GRIP1: variants seen among roughly 807,000 people sequenced by gnomAD.
GRIP1 encodes glutamate receptor interacting protein 1, also known as glutamate receptor-interacting protein 1.
In GRIP1, 45 loss-of-function variants were observed where a neutral mutation model predicts 129.9. The ratio of observed to expected loss-of-function variants is 0.35; its 90% CI spans 0.27 to 0.44. The LOEUF (loss-of-function observed/expected upper bound fraction) is 0.44. Among genes scored for constraint, GRIP1 ranks in the 20% least tolerant of loss-of-function variants. GRIP1 has a pLI of 1.00. For synonymous variants in GRIP1, 530 were observed against 520.8 expected (o/e 1.02, Z -0.24); for missense variants, 1,196 against 1,396.8 (o/e 0.86, Z 2.29).
At chr12:66,417,015 A>T (rs2057631430) in intron 15 of GRIP1, among the ~76,000 whole-genome samples, 1 of 152,038 alleles carries the variant, frequency 6.6e-6, no homozygotes, top group East Asian at 1.9e-4. Flanking sequence ...AAAACCTCTA[A>T]CGAACATTGA....
At chr12:66,890,137 C>T (rs1036630553) in intron 1 of GRIP1, among the ~76,000 whole-genome samples, 2 of 152,100 alleles carry the variant, frequency 1.3e-5, no homozygotes, top group African/African-American at 2.4e-5. Flanking sequence ...CTATGTTACT[C>T]AGTCTGGTCT....
intron 13 of GRIP1, among the ~76,000 whole-genome samples, chr12:66,442,249 ACCCAACT>A (rs1338478285): frequency 4.6e-5 from 7 of 151,874 alleles, no homozygotes; most frequent in Non-Finnish European, 8.8e-5. Flanking sequence ...CCAAATCCAA[ACCCAACT>A]CCCTTATATT....
intron 23 of GRIP1, among the ~76,000 whole-genome samples, chr12:66,367,201 G>T (rs187986853): frequency 4.6e-5 from 7 of 152,264 alleles, no homozygotes; most frequent in African/African-American, 9.6e-5. Context: ...CAAAGAGAGA[G>T]AATCTGTGAT....
chr12:66,990,201 A>G (rs113714207), intron 1 of GRIP1, among the ~76,000 whole-genome samples: 6 of 152,220 alleles, frequency 3.9e-5, no homozygotes, highest in African/African-American at 1.4e-4. Flanking sequence ...CTATACGCAT[A>G]GCTTTCTGCT....
At position 66,532,797 on chromosome 12, in the gene GRIP1, CCAT is replaced by C. The variant is rs929909855; in HGVS notation, c.419-2886_419-2884del. ...TTCACCACCACCACCACCACCACCA[CCAT>C]CATCTGTCTATTTTAGAACTGAGAA... On this transcript the variant is annotated intron_variant, in intron 4 of 24. Transcript: ENST00000359742. 6.2e-4 allele frequency among the ~76,000 whole-genome samples: 94 copies of C among 152,142 alleles called. 1 individual carries two copies. The highest frequency in any genetic ancestry group is 2.1e-3 in the African/African-American group (86 of 41,450).
chr12:66,504,301 CCA>C (rs1270438870), intron 7 of GRIP1, among the ~76,000 whole-genome samples: 2 of 152,164 alleles, frequency 1.3e-5, no homozygotes, highest in Non-Finnish European at 2.9e-5. Flanking sequence ...GCCATGCCCT[CCA>C]GTTTGTTGCC....
chr12:66,948,558 T>A (rs568466075), intron 1 of GRIP1, among the ~76,000 whole-genome samples: 1 of 152,252 alleles, frequency 6.6e-6, no homozygotes, highest in African/African-American at 2.4e-5. Context: ...AAGAAGCTCA[T>A]AGTCCAAGGA....
At chr12:66,674,327 C>T (rs1446599559) in intron 1 of GRIP1, among the ~76,000 whole-genome samples, 5 of 152,148 alleles carry the variant, frequency 3.3e-5, no homozygotes, top group Non-Finnish European at 5.9e-5. Flanking sequence ...AGCAAAGGAG[C>T]CATCAGGTTT....
intron 2 of GRIP1, among the ~76,000 whole-genome samples, chr12:66,587,544 T>C (rs1024102568): frequency 2.0e-5 from 3 of 152,246 alleles, no homozygotes; most frequent in Admixed American, 6.5e-5. Context: ...TAGGCTGGAT[T>C]CACATCTATA....
chr12:66,527,826 G>A lies in GRIP1; in HGVS notation c.502+2005C>T, dbSNP rs114293676. 8.4e-3 allele frequency among the ~76,000 whole-genome samples: 1,279 copies of A among 152,034 alleles called. 28 individuals carry two copies. The highest frequency in any genetic ancestry group is 0.03 in the African/African-American group (1,244 of 41,478). On this transcript the variant is annotated intron_variant, in intron 5 of 24. Coordinates refer to ENST00000359742, the MANE Select transcript of GRIP1 (RefSeq NM_001366722.1). Reference sequence around the variant, plus strand: ...ATTTGAGGGTGGAGGTTGGAGGGTGGGAGGAGGAGGAGGATGAGGATTGAA... The same window carrying A: ...ATTTGAGGGTGGAGGTTGGAGGGTGAGAGGAGGAGGAGGATGAGGATTGAA...
In GRIP1 at chr12:66,596,266, C is replaced by T. The variant is rs75277261; in HGVS notation, c.136+581G>A. On this transcript the variant is annotated intron_variant, in intron 2 of 24. Coordinates refer to ENST00000359742, the MANE Select transcript of GRIP1 (RefSeq NM_001366722.1). ...ACAAATCAAAGCTTCAAAATATTGA[C>T]GTTTTGGGGTAAAGACATTTAAAGA... Among the ~76,000 whole-genome samples the T allele has an allele frequency of 2.0e-3, 301 of 152,132 alleles. 1 individual carries two copies. Among genetic ancestry groups the T allele is most frequent in the East Asian group, 0.01 (53 of 5,188 alleles).
At chr12:66,643,391 TTAATA>T (rs2032098290) in intron 1 of GRIP1, among the ~76,000 whole-genome samples, 1 of 152,162 alleles carries the variant, frequency 6.6e-6, no homozygotes, top group Non-Finnish European at 1.5e-5. Flanking sequence ...ATAGAACCAC[TTAATA>T]TAAAGATATC....
At chr12:66,557,712 A>T (rs1260031192) in intron 2 of GRIP1, among the ~76,000 whole-genome samples, 1 of 152,208 alleles carries the variant, frequency 6.6e-6, no homozygotes, top group Non-Finnish European at 1.5e-5. Context: ...ATGCTCCTGA[A>T]TGACCAATGG....
At chr12:66,554,690 G>T (rs1384748838) in intron 2 of GRIP1, among the ~76,000 whole-genome samples, 2 of 152,158 alleles carry the variant, frequency 1.3e-5, no homozygotes, top group African/African-American at 4.8e-5. Context: ...CCTGGGGCTG[G>T]AAGCATTCAT....
At chr12:66,514,336 C>T (rs1362185816) in intron 7 of GRIP1, among the ~76,000 whole-genome samples, 2 of 151,868 alleles carry the variant, frequency 1.3e-5, no homozygotes, top group Admixed American at 6.6e-5. Context: ...TAAAATATAC[C>T]CTACTTATGT....
In GRIP1 at chr12:66,444,564, C is replaced by CTGACT. The variant is rs376905236; in HGVS notation, c.1687+19_1687+20insAGTCA. 1 of 1,603,722 alleles carries CTGACT rather than the reference C, an allele frequency of 6.2e-7. No homozygotes were observed. Among genetic ancestry groups the CTGACT allele is most frequent in the Admixed American group, 1.7e-5 (1 of 59,956 alleles). ...AATATAACTCACATGCAGTCCACTC[C>CTGACT]TGAGATGATATGATTATACCTGCAA... On this transcript the variant is annotated intron_variant, in intron 13 of 24. Transcript: ENST00000359742.
chr12:66,352,600 G>A (rs2054284758), intron 24 of GRIP1, among the ~76,000 whole-genome samples: 1 of 151,798 alleles, frequency 6.6e-6, no homozygotes, highest in African/African-American at 2.4e-5. Context: ...ACGCATGGTG[G>A]TGTGCACCTG....
intron 15 of GRIP1, among the ~76,000 whole-genome samples, chr12:66,415,891 AAAC>A (rs948665177): frequency 2.0e-5 from 3 of 152,064 alleles, no homozygotes; most frequent in Non-Finnish European, 2.9e-5. Flanking sequence ...GACACATTGG[AAAC>A]AACAACATAC....
intron 5 of GRIP1, among the ~76,000 whole-genome samples, chr12:66,521,659 A>T (rs1449471252): frequency 2.0e-5 from 3 of 152,146 alleles, no homozygotes; most frequent in Non-Finnish European, 2.9e-5. Flanking sequence ...TGGGTGCAGG[A>T]CAGTGGGTGC....
Sources: allele counts gnomAD v4.1 joint callset (sites outside exome capture counted in the v4.1 genomes callset), GRCh38; gene constraint gnomAD v4.1.1; transcripts MANE v1.5; gene names NCBI Gene and HGNC (gene_info 2026-07-23, HGNC 2026-07-21).